OPCML: variants seen among roughly 807,000 people sequenced by gnomAD.
OPCML encodes opioid binding protein/cell adhesion molecule like.
OPCML carries 13 observed loss-of-function variants against 37.8 expected under a neutral mutation model. The ratio of observed to expected loss-of-function variants is 0.34; its 90% CI spans 0.22 to 0.55. The LOEUF is 0.55. OPCML is among the 20% of genes least tolerant of loss of function. The probability of loss-of-function intolerance (pLI) is 0.91; values close to 1 mark genes in which losing one functional copy is unlikely to be tolerated. For missense variants in OPCML, 341 were observed against 435.6 expected (o/e 0.78, Z 1.93); for synonymous variants, 176 against 168.8 (o/e 1.04, Z -0.33).
intron 1 of OPCML, among the ~76,000 whole-genome samples, chr11:133,394,399 G>A (rs1160119383): frequency 2.6e-5 from 4 of 152,096 alleles, no homozygotes; most frequent in Admixed American, 6.5e-5. Flanking sequence ...TATCCTTTGT[G>A]TTACAAATAA....
intron 3 of OPCML, among the ~76,000 whole-genome samples, chr11:132,570,800 T>G (rs1341928286): frequency 0.041 from 4,176 of 101,500 alleles, 255 homozygotes; most frequent in Middle Eastern, 0.067. Flanking sequence ...TATATATATA[T>G]ATTTAGAGAG....
At chr11:133,330,417 C>T (rs1055659433) in intron 1 of OPCML, among the ~76,000 whole-genome samples, 1 of 152,092 alleles carries the variant, frequency 6.6e-6, no homozygotes, top group African/African-American at 2.4e-5. Context: ...TTCACAATAG[C>T]AAAGACTTGG....
intron 1 of OPCML, among the ~76,000 whole-genome samples, chr11:133,096,188 T>C (rs945799025): frequency 1.3e-5 from 2 of 151,458 alleles, no homozygotes; most frequent in Non-Finnish European, 3.0e-5. Context: ...ATAGCAACAA[T>C]ACAATGGATG....
intron 1 of OPCML, among the ~76,000 whole-genome samples, chr11:133,460,709 G>A (rs985257113): frequency 2.0e-5 from 3 of 151,700 alleles, no homozygotes; most frequent in South Asian, 2.1e-4. Context: ...AAAAACTCAC[G>A]ACAAATAAAA....
intron 2 of OPCML, among the ~76,000 whole-genome samples, chr11:132,725,525 C>T (rs1042673614): frequency 2.0e-5 from 3 of 152,226 alleles, no homozygotes; most frequent in East Asian, 1.9e-4. Flanking sequence ...GATTAATATT[C>T]GACTCCTTGT....
chr11:133,402,081 G>T (rs969596893), intron 1 of OPCML, among the ~76,000 whole-genome samples: 4 of 152,126 alleles, frequency 2.6e-5, no homozygotes, highest in African/African-American at 9.7e-5. Flanking sequence ...AATATCTGGG[G>T]CTGGGTAATT....
At chr11:133,476,925 G>C (rs1947252324) in intron 1 of OPCML, among the ~76,000 whole-genome samples, 1 of 152,160 alleles carries the variant, frequency 6.6e-6, no homozygotes, top group Admixed American at 6.5e-5. Flanking sequence ...GCCATGTATT[G>C]TTTTCCCTCC....
intron 1 of OPCML, among the ~76,000 whole-genome samples, chr11:133,199,828 C>A (rs552600168): frequency 5.3e-5 from 8 of 152,300 alleles, no homozygotes; most frequent in African/African-American, 1.4e-4. Context: ...AAAGTAGAGT[C>A]TCCAAGAAGG....
intron 2 of OPCML, among the ~76,000 whole-genome samples, chr11:132,935,923 T>C (rs1410258251): frequency 6.6e-6 from 1 of 152,190 alleles, no homozygotes; most frequent in Non-Finnish European, 1.5e-5. Flanking sequence ...TGAGGTTCCA[T>C]ATGTGCTATG....
chr11:132,432,567 T>C (rs2096000840), intron 7 of OPCML, among the ~76,000 whole-genome samples: 1 of 152,214 alleles, frequency 6.6e-6, no homozygotes, highest in Non-Finnish European at 1.5e-5. Context: ...CCTTCCTCTA[T>C]GCCATGGCAT....
intron 1 of OPCML, among the ~76,000 whole-genome samples, chr11:133,253,241 A>C (rs1020066419): frequency 6.6e-6 from 1 of 152,024 alleles, no homozygotes; most frequent in African/African-American, 2.4e-5. Context: ...CCACGTGATT[A>C]ATGATGCTAA....
At chr11:132,724,309 A>G (rs1944789795) in intron 2 of OPCML, among the ~76,000 whole-genome samples, 1 of 152,224 alleles carries the variant, frequency 6.6e-6, no homozygotes, top group African/African-American at 2.4e-5. Flanking sequence ...GCCCCCAGGT[A>G]TAATGGAAAT....
intron 4 of OPCML, 27 bp from the exon 5 acceptor site, chr11:132,437,386 C>T: frequency 6.2e-7 from 1 of 1,611,712 alleles, no homozygotes. Context: ...AGACAGGAAA[C>T]AATCAGGAAA....
At chr11:132,606,260 C>T (rs1329276110) in intron 3 of OPCML, among the ~76,000 whole-genome samples, 2 of 152,118 alleles carry the variant, frequency 1.3e-5, no homozygotes, top group Admixed American at 6.5e-5. Context: ...GACACAATTG[C>T]CCTTGCTTAA....
At chr11:133,093,228 C>CA (rs2137056069) in intron 1 of OPCML, among the ~76,000 whole-genome samples, 1 of 151,912 alleles carries the variant, frequency 6.6e-6, no homozygotes, top group Non-Finnish European at 1.5e-5. Context: ...CCAACCCCCC[C>CA]AACCTTTCCC....
intron 4 of OPCML, among the ~76,000 whole-genome samples, chr11:132,438,011 G>A (rs1448082114): frequency 1.3e-5 from 2 of 152,222 alleles, no homozygotes; most frequent in African/African-American, 4.8e-5. Context: ...CCCAAATGCT[G>A]GATCTGTGGT....
At chr11:132,921,029 T>C (rs7342163) in intron 2 of OPCML, among the ~76,000 whole-genome samples, 46,454 of 152,064 alleles carry the variant, frequency 0.31, 9,990 homozygotes, top group African/African-American at 0.61. Context: ...TGCAGTCTTC[T>C]ACTCCCCGCC....
At chr11:133,109,333 G>A (rs1165741608) in intron 1 of OPCML, among the ~76,000 whole-genome samples, 3 of 152,300 alleles carry the variant, frequency 2.0e-5, no homozygotes, top group African/African-American at 7.2e-5. Context: ...AGAGGACTGA[G>A]TGGGTTACCG....
rs564416726 is a variant in OPCML, at chr11:132,875,464, A to ATTTT, written c.146+67458_146+67461dup. Among the ~76,000 whole-genome samples the ATTTT allele has an allele frequency of 8.6e-4, 119 of 138,800 alleles. 2 individuals carry two copies. The East Asian group carries it at 0.015, about 17-fold the overall frequency. The allele number at this position is 138,800 out of a possible 152,430, so 91.1% of individuals were successfully genotyped here. On this transcript the variant is annotated intron_variant, in intron 2 of 7. Transcript: ENST00000524381. Reference sequence around the variant, plus strand: ...ATCTGCCAATGTATTTACCCATCTAATTTTTTTTTTTTTTTTTGAGACGGT... The same window carrying ATTTT: ...ATCTGCCAATGTATTTACCCATCTAATTTTTTTTTTTTTTTTTTTTTGAGACGGT...
Sources: allele counts gnomAD v4.1 joint callset (sites outside exome capture counted in the v4.1 genomes callset), GRCh38; gene constraint gnomAD v4.1.1; transcripts MANE v1.5; gene names NCBI Gene and HGNC (gene_info 2026-07-23, HGNC 2026-07-21).